The following FBXO25 variants were observed in gnomAD, a reference collection of about 807,000 sequenced individuals.
FBXO25 encodes F-box protein 25.
FBXO25 carries 45 observed loss-of-function variants against 51.9 expected under a neutral mutation model. The ratio of observed to expected loss-of-function variants is 0.87; its 90% CI spans 0.68 to 1.11. FBXO25 has a LOEUF of 1.11. Ranked by LOEUF, FBXO25 falls within the 50% of genes most tolerant of loss-of-function variation. FBXO25 has a pLI of 0.00. For synonymous variants in FBXO25, 199 were observed against 151.0 expected, an observed-to-expected ratio of 1.32 and a Z score of -2.33; for missense variants, 507 against 428.5, an observed-to-expected ratio of 1.18 and a Z score of -1.62.
chr8:466,318 G>A (rs751743162), intron 9 of FBXO25, among the ~76,000 whole-genome samples: 5 of 152,172 alleles, frequency 3.3e-5, no homozygotes, highest in Non-Finnish European at 4.4e-5. Context: ...ACCTGCCTCC[G>A]GGGTCTCCTG....
In FBXO25 at chr8:454,906, A is replaced by G. The variant is rs983910490; in HGVS notation, c.660+3453A>G. ...ACTCCATCTCAAAAAAAGAAAAAGAAAAAGAAAACAAAGAATGAGGGGAGA... is the reference window on the plus strand; with the variant it reads ...ACTCCATCTCAAAAAAAGAAAAAGAGAAAGAAAACAAAGAATGAGGGGAGA... On this transcript the variant is annotated intron_variant, in intron 7 of 9. Transcript: ENST00000350302. Among the ~76,000 whole-genome samples the G allele has an allele frequency of 9.1e-5, 13 of 142,284 alleles. 2 individuals carry two copies. The highest frequency in any genetic ancestry group is 3.9e-4 in the African/African-American group (13 of 33,710). The allele number at this position is 142,284 out of a possible 152,430, so 93.3% of individuals were successfully genotyped here.
intron 7 of FBXO25, 77 bp from the exon 8 acceptor site, chr8:458,292 C>T (rs1183861887): frequency 3.2e-5 from 48 of 1,491,394 alleles, no homozygotes; most frequent in Non-Finnish European, 4.0e-5. Context: ...GCATTCATTC[C>T]AGCTTGACTC....
rs2116876242 is a variant in FBXO25, at chr8:470,485, TCCTCCCACCTCAG to T, written c.*1689_*1701del. ...ATCCTCCCACCTCACCCTCCAGTGA[TCCTCCCACCTCAG>T]CCTCCCAAGCAGTCAGGACCACAGG... On this transcript the variant is annotated 3_prime_UTR_variant, in exon 10 of 10. Transcript: ENST00000350302. 1 of 139,350 alleles carries T rather than the reference TCCTCCCACCTCAG, an allele frequency of 7.2e-6. No individual in the cohort carries two copies. Among genetic ancestry groups the T allele is most frequent in the African/African-American group, 2.6e-5 (1 of 39,174 alleles). The allele number at this position is 139,350 out of a possible 1,614,324, so 8.6% of individuals were successfully genotyped here.
At chr8:422,594 A>T (rs1377787907) in intron 2 of FBXO25, among the ~76,000 whole-genome samples, 2 of 152,130 alleles carry the variant, frequency 1.3e-5, no homozygotes, top group Non-Finnish European at 2.9e-5. Flanking sequence ...TGGCTGCATG[A>T]AGGTGGGTGG....
intron 7 of FBXO25, among the ~76,000 whole-genome samples, chr8:457,373 G>C (rs966521366): frequency 2.0e-4 from 31 of 152,334 alleles, no homozygotes; most frequent in African/African-American, 7.2e-4. Context: ...TTTAGTTTTT[G>C]AACTGATTCA....
chr8:474,626 C>CTGG lies in FBXO25; in HGVS notation c.*5825_*5827dup. ...ATTTTGATTTGCATTTCCGTAATGA[C>CTGG]TGGTGATGCTGAGTATCTGTTTGTT... On this transcript the variant is annotated 3_prime_UTR_variant, in exon 10 of 10. Transcript: ENST00000350302. The CTGG allele has an allele frequency of 2.4e-6, 1 of 420,408 alleles. No individual in the cohort carries two copies. The highest frequency in any genetic ancestry group is 4.7e-6 in the Non-Finnish European group (1 of 213,236). The allele number at this position is 420,408 out of a possible 1,614,324, so 26.0% of individuals were successfully genotyped here. A position where few individuals can be genotyped will look rare whatever the true frequency, so the allele number is the denominator to read the frequency against.
chr8:451,536 G>A, intron 7 of FBXO25, 83 bp downstream of exon 7: 1 of 1,281,166 alleles, frequency 7.8e-7, no homozygotes, highest in Non-Finnish European at 1.1e-6. Context: ...ATGAAAGACT[G>A]CTATAGCTTT....
At chr8:451,569 C>G (rs956479676) in intron 7 of FBXO25, 116 bp downstream of exon 7, 4 of 952,266 alleles carry the variant, frequency 4.2e-6, no homozygotes, top group Non-Finnish European at 4.6e-6. Flanking sequence ...CTAATGCTTT[C>G]ATAAGTATTC....
chr8:433,210 G>A (rs929940434), intron 4 of FBXO25, among the ~76,000 whole-genome samples: 1 of 152,140 alleles, frequency 6.6e-6, no homozygotes, highest in Non-Finnish European at 1.5e-5. Context: ...GGTATATATG[G>A]TGTGTATGTA....
chr8:421,518 A>G (rs1306752103), intron 2 of FBXO25, among the ~76,000 whole-genome samples: 1 of 152,236 alleles, frequency 6.6e-6, no homozygotes, highest in Admixed American at 6.5e-5. Context: ...TCTAGGAAGA[A>G]GTTACAAATA....
rs8049 is a variant in FBXO25 at position 468,993 on chromosome 8, G to A, written c.*189G>A. On this transcript the variant is annotated 3_prime_UTR_variant, in exon 10 of 10. Coordinates refer to ENST00000350302, the MANE Select transcript of FBXO25 (RefSeq NM_183420.2). ...TTCATCACTGAAAGTCAGAGGCCAA[G>A]GAAATCATTTCTACTTCTTTAAAAA... 1.8e-6 allele frequency: 1 copy of A among 550,472 alleles called. No individual in the cohort carries two copies. The highest frequency in any genetic ancestry group is 3.2e-6 in the Non-Finnish European group (1 of 314,568). The allele number at this position is 550,472 out of a possible 1,614,324, so 34.1% of individuals were successfully genotyped here.
chr8:429,562 A>G (rs1164840073), intron 2 of FBXO25, among the ~76,000 whole-genome samples: 1 of 152,232 alleles, frequency 6.6e-6, no homozygotes, highest in Non-Finnish European at 1.5e-5. Flanking sequence ...CTTTATTAAC[A>G]TTTTAATGTG....
chr8:430,447 T>G (rs1797758707), intron 2 of FBXO25, among the ~76,000 whole-genome samples: 1 of 152,222 alleles, frequency 6.6e-6, no homozygotes, highest in African/African-American at 2.4e-5. Context: ...AGTCAGCTTT[T>G]TTTTTTTAAT....
chr8:456,298 C>G (rs1168229414), intron 7 of FBXO25, among the ~76,000 whole-genome samples: 2 of 152,200 alleles, frequency 1.3e-5, no homozygotes, highest in Non-Finnish European at 2.9e-5. Context: ...CAGCCTTTAA[C>G]TCCTGGGCTC....
In FBXO25 at chr8:472,731, G is replaced by A. The variant is rs1416783353; in HGVS notation, c.*3927G>A. Reference sequence around the variant, plus strand: ...GGATAAGACCATTTTCTCCAGAGATGCCTTTTAATGGTTTTTCTTTTCATT... The same window carrying A: ...GGATAAGACCATTTTCTCCAGAGATACCTTTTAATGGTTTTTCTTTTCATT... On this transcript the variant is annotated 3_prime_UTR_variant, in exon 10 of 10. Transcript: ENST00000350302. 6.6e-6 allele frequency: 1 copy of A among 152,208 alleles called. No homozygotes were observed. Among genetic ancestry groups the A allele is most frequent in the Non-Finnish European group, 1.5e-5 (1 of 68,032 alleles). The allele number at this position is 152,208 out of a possible 1,614,324, so 9.4% of individuals were successfully genotyped here. A position where few individuals can be genotyped will look rare whatever the true frequency, so the allele number is the denominator to read the frequency against.
rs538320583 is a variant in FBXO25 at position 469,117 on chromosome 8, T to C, written c.*313T>C. 2.3e-5 allele frequency: 6 copies of C among 265,904 alleles called. No homozygotes were observed. The East Asian group carries it at 4.3e-4, about 19-fold the overall frequency. The allele number at this position is 265,904 out of a possible 1,614,324, so 16.5% of individuals were successfully genotyped here. A position where few individuals can be genotyped will look rare whatever the true frequency, so the allele number is the denominator to read the frequency against. On this transcript the variant is annotated 3_prime_UTR_variant, in exon 10 of 10. Coordinates refer to ENST00000350302, the MANE Select transcript of FBXO25 (RefSeq NM_183420.2). ...AGGTGGTCAGCTCCACATTCTTTGT[T>C]GACGTGACACTAACGGCCAATAATA...
In FBXO25 at chr8:459,390, CTG is replaced by C. The variant is rs1298928499; in HGVS notation, c.843+845_843+846del. ...GCCGGACCCTAGCATGGGGAGGGTGCTGTGTGTTTGGTGGATAGTGAGGAAGC... is the reference window on the plus strand; with the variant it reads ...GCCGGACCCTAGCATGGGGAGGGTGCTGTGTTTGGTGGATAGTGAGGAAGC... On this transcript the variant is annotated intron_variant, in intron 8 of 9. Transcript: ENST00000350302. Among the ~76,000 whole-genome samples, 6 of 152,154 alleles carry C rather than the reference CTG, an allele frequency of 3.9e-5. No individual in the cohort carries two copies. The East Asian group carries it at 1.2e-3, about 29-fold the overall frequency.
At chr8:458,316 T>C in intron 7 of FBXO25, 53 bp from the exon 8 acceptor site, 2 of 1,574,504 alleles carry the variant, frequency 1.3e-6, no homozygotes, top group Non-Finnish European at 8.7e-7. Context: ...AGTTACTGTG[T>C]GAACAAACAT....
At chr8:453,289 T>C (rs1331585966) in intron 7 of FBXO25, among the ~76,000 whole-genome samples, 1 of 152,140 alleles carries the variant, frequency 6.6e-6, no homozygotes, top group African/African-American at 2.4e-5. Context: ...TTTCTTCTCT[T>C]TCATTAGTGG....
Sources: gnomAD v4.1 joint callset for allele counts (sites outside exome capture counted in the v4.1 genomes callset) on GRCh38, gnomAD v4.1.1 for gene constraint, MANE v1.5 for transcripts, NCBI Gene and HGNC (gene_info 2026-07-23, HGNC 2026-07-21) for gene names.